The following HDAC9 variants were observed in gnomAD, a reference collection of about 807,000 sequenced individuals.
HDAC9 encodes MEF-2 interacting transcription repressor (MITR) protein.
A neutral mutation model predicts 139.4 loss-of-function variants in HDAC9; 41 were observed. The ratio of observed to expected loss-of-function variants is 0.29; its 90% confidence interval spans 0.23 to 0.38. HDAC9 has a LOEUF of 0.38. HDAC9 is among the 10% of genes least tolerant of loss of function. HDAC9 has a pLI of 1.00. For missense variants in HDAC9, 1,147 were observed against 1,297.0 expected (o/e 0.88, Z 1.78); for synonymous variants, 517 against 476.2 (o/e 1.09, Z -1.12).
intron 12 of HDAC9, among the ~76,000 whole-genome samples, chr7:18,686,060 C>G (rs10259495): frequency 0.18 from 27,383 of 151,838 alleles, 3,712 homozygotes; most frequent in East Asian, 0.38. Context: ...AGTCATACAT[C>G]TGAACTATGA....
intron 8 of HDAC9, among the ~76,000 whole-genome samples, chr7:18,636,405 C>A (rs1488924754): frequency 7.7e-6 from 1 of 129,570 alleles, no homozygotes; most frequent in Non-Finnish European, 1.7e-5. Context: ...AATCATATAA[C>A]CTCAAGCTGT....
At chr7:18,204,026 A>G (rs1791319623) in intron 2 of HDAC9, among the ~76,000 whole-genome samples, 1 of 152,184 alleles carries the variant, frequency 6.6e-6, no homozygotes, top group Admixed American at 6.5e-5. Flanking sequence ...AACAAACAAA[A>G]GCTGATTGTA....
At chr7:18,453,893 G>A (rs1392043349) in intron 1 of HDAC9, among the ~76,000 whole-genome samples, 1 of 152,112 alleles carries the variant, frequency 6.6e-6, no homozygotes, top group African/African-American at 2.4e-5. Context: ...AAAGACAAAA[G>A]GGAAGGGACT....
At chr7:18,678,516 A>G (rs1781676047) in intron 12 of HDAC9, among the ~76,000 whole-genome samples, 2 of 151,106 alleles carry the variant, frequency 1.3e-5, no homozygotes, top group South Asian at 2.1e-4. Flanking sequence ...TTTTTTCTTC[A>G]TGTTTTCTTC....
chr7:18,335,837 G>A (rs1562890015), intron 1 of HDAC9, among the ~76,000 whole-genome samples: 1 of 151,550 alleles, frequency 6.6e-6, no homozygotes, highest in Non-Finnish European at 1.5e-5. Context: ...CTGATGCAAT[G>A]GTGGGGAAGT....
At position 18,841,958 on chromosome 7, in the gene HDAC9, G is replaced by A. The variant is rs533340725; in HGVS notation, c.2684+5961G>A. On this transcript the variant is annotated intron_variant, in intron 21 of 25. Transcript: ENST00000686413. ...AATATTCTTCTTATGTATGCATTTA[G>A]ATTTTGTGGAAAGGATATGTAATAG... Among the ~76,000 whole-genome samples the A allele has an allele frequency of 1.4e-3, 211 of 152,120 alleles. 1 individual carries two copies. Among genetic ancestry groups the A allele is most frequent in the African/African-American group, 4.4e-3 (184 of 41,532 alleles).
intron 1 of HDAC9, among the ~76,000 whole-genome samples, chr7:18,396,109 C>CTTCCCTTCCA (rs1401057836): frequency 7.4e-6 from 1 of 134,462 alleles, no homozygotes; most frequent in South Asian, 2.8e-4. Flanking sequence ...CTTCCCTTCC[C>CTTCCCTTCCA]TTCCCTTCCC....
chr7:18,887,601 T>C (rs1800280002), intron 22 of HDAC9, among the ~76,000 whole-genome samples: 1 of 152,186 alleles, frequency 6.6e-6, no homozygotes, highest in Non-Finnish European at 1.5e-5. Flanking sequence ...AACGTATAAA[T>C]GATATCATCC....
At chr7:18,366,198 G>A (rs1181957364) in intron 1 of HDAC9, among the ~76,000 whole-genome samples, 1 of 152,086 alleles carries the variant, frequency 6.6e-6, no homozygotes, top group Non-Finnish European at 1.5e-5. Context: ...CATGGGTGAT[G>A]ATAACTGCAG....
At chr7:18,441,664 A>G (rs1374801968) in intron 1 of HDAC9, among the ~76,000 whole-genome samples, 1 of 152,250 alleles carries the variant, frequency 6.6e-6, no homozygotes, top group Non-Finnish European at 1.5e-5. Flanking sequence ...TTTTAGAAAT[A>G]TAAAACAAAA....
intron 2 of HDAC9, among the ~76,000 whole-genome samples, chr7:18,189,840 T>G (rs1790205354): frequency 6.6e-6 from 1 of 152,210 alleles, no homozygotes; most frequent in South Asian, 2.1e-4. Context: ...TTTTCTCACA[T>G]TTTTAAGAGC....
In HDAC9 at chr7:18,549,197, C is replaced by T. The variant is rs145834340; in HGVS notation, c.23-36084C>T. ...GGGTTGCAGTGAGCTGAGATTGCAC[C>T]ACTGCACTCCAGCCTGGTGACAGAG... On this transcript the variant is annotated intron_variant, in intron 2 of 25. Transcript: ENST00000686413. Among the ~76,000 whole-genome samples, 1,508 of 152,244 alleles carry T rather than the reference C, an allele frequency of 9.9e-3. 14 individuals carry two copies. The highest frequency in any genetic ancestry group is 0.013 in the Non-Finnish European group (918 of 68,024).
At chr7:18,558,132 G>A (rs1819452489) in intron 2 of HDAC9, among the ~76,000 whole-genome samples, 1 of 151,984 alleles carries the variant, frequency 6.6e-6, no homozygotes, top group Non-Finnish European at 1.5e-5. Flanking sequence ...TTTCCATTTA[G>A]AACTTTATGC....
At chr7:18,806,519 C>A in intron 17 of HDAC9, among the ~76,000 whole-genome samples, 1 of 152,264 alleles carries the variant, frequency 6.6e-6, no homozygotes, top group African/African-American at 2.4e-5. Flanking sequence ...CTCATGTTGT[C>A]ATTTTTCTAA....
At position 18,366,390 on chromosome 7, in the gene HDAC9, G is replaced by T. The variant is rs183119971; in HGVS notation, c.-42+75875G>T. Among the ~76,000 whole-genome samples the T allele has an allele frequency of 1.9e-3, 287 of 152,256 alleles. 1 individual carries two copies. The highest frequency in any genetic ancestry group is 6.7e-3 in the African/African-American group (277 of 41,580). On this transcript the variant is annotated intron_variant, in intron 1 of 3. Transcript: ENST00000413509. ...GAATAAAAGTTTCTGGATCATGGCA[G>T]TTGGCCCAGGACACCAGACCTAGAA...
At chr7:18,601,422 G>T (rs868211689) in intron 6 of HDAC9, among the ~76,000 whole-genome samples, 1 of 151,614 alleles carries the variant, frequency 6.6e-6, no homozygotes, top group African/African-American at 2.4e-5. Flanking sequence ...GGACAAAAAC[G>T]TTACTTTATT....
intron 16 of HDAC9, among the ~76,000 whole-genome samples, chr7:18,786,779 TTTTCTTTC>T (rs774533317): frequency 2.4e-5 from 2 of 81,786 alleles, no homozygotes; most frequent in African/African-American, 5.8e-5. Flanking sequence ...TCTTTCTTTC[TTTTCTTTC>T]TTTCTTTCTT....
chr7:18,793,039 C>A, intron 16 of HDAC9: 1 of 328,152 alleles, frequency 3.0e-6, no homozygotes, highest in Non-Finnish European at 5.9e-6. Context: ...CTATGTAATG[C>A]TGTTTGTAAT....
chr7:18,097,917 T>A (rs1285880832), intron 1 of HDAC9, among the ~76,000 whole-genome samples: 1 of 152,194 alleles, frequency 6.6e-6, no homozygotes, highest in Non-Finnish European at 1.5e-5. Context: ...GTGTTTATGC[T>A]TTGCCAGCCC....
Sources: allele counts gnomAD v4.1 joint callset (sites outside exome capture counted in the v4.1 genomes callset), GRCh38; gene constraint gnomAD v4.1.1; transcripts MANE v1.5; gene names NCBI Gene and HGNC (gene_info 2026-07-23, HGNC 2026-07-21).